SEMA6A: variants seen among roughly 807,000 people sequenced by gnomAD.
SEMA6A encodes the protein semaphorin 6A, also known as semaphorin-6A.
A neutral mutation model predicts 96.8 loss-of-function variants in SEMA6A; 25 were observed. That is an observed-to-expected ratio of 0.26 (90% CI 0.19 to 0.36). The LOEUF is 0.36. Among genes scored for constraint, SEMA6A ranks in the 10% least tolerant of loss-of-function variants. The pLI is 1.00. For missense variants in SEMA6A, 1,363 were observed against 1,323.1 expected (o/e 1.03, Z -0.47); for synonymous variants, 612 against 518.0 (o/e 1.18, Z -2.46).
chr5:116,486,919 T>A lies in SEMA6A; in HGVS notation c.792A>T (p.Gly264=). 6.2e-7 allele frequency: 1 copy of A among 1,613,730 alleles called. No individual in the cohort carries two copies. Among genetic ancestry groups the A allele is most frequent in the East Asian group, 2.2e-5 (1 of 44,866 alleles). ...VAQVCKNDMG[G]SQRVLEKQWT... is the part of the protein sequence containing the mutation. ...ACTGTTTCTCCAGGACTCTTTGAGA[T>A]CCTCCCATATCATTCTTACAAACCT... The change falls in exon 10 of 19, where the codon GGA becomes GGT. Residue 264 remains glycine, a synonymous_variant. Transcript: ENST00000343348.
intron 1 of SEMA6A, among the ~76,000 whole-genome samples, chr5:116,572,153 G>A (rs952151186): frequency 6.6e-6 from 1 of 152,160 alleles, no homozygotes. Flanking sequence ...AGACCTGCTG[G>A]CACAACACTG....
intron 1 of SEMA6A, among the ~76,000 whole-genome samples, chr5:116,520,110 G>A (rs1231018147): frequency 6.6e-6 from 1 of 152,060 alleles, no homozygotes; most frequent in Admixed American, 6.6e-5. Flanking sequence ...TCCAGCCCCT[G>A]TGCCTTGCTT....
intron 7 of SEMA6A, 105 bp from the exon 8 acceptor site, chr5:116,489,112 G>T: frequency 7.9e-7 from 1 of 1,265,020 alleles, no homozygotes; most frequent in Non-Finnish European, 1.0e-6. Context: ...AGGCAAATGA[G>T]ATAGCACAAC....
At chr5:116,507,734 A>G (rs1471585820) in intron 1 of SEMA6A, among the ~76,000 whole-genome samples, 7 of 152,258 alleles carry the variant, frequency 4.6e-5, no homozygotes, top group Non-Finnish European at 1.0e-4. Context: ...AAGACTGTCA[A>G]TATAAGGATT....
chr5:116,483,781 A>G (rs186723392), intron 10 of SEMA6A, among the ~76,000 whole-genome samples: 25 of 152,312 alleles, frequency 1.6e-4, no homozygotes, highest in African/African-American at 5.5e-4. Context: ...AGACAGTGAT[A>G]GGCCGGGCGA....
chr5:116,564,593 G>C (rs995000353), intron 1 of SEMA6A, among the ~76,000 whole-genome samples: 1 of 152,124 alleles, frequency 6.6e-6, no homozygotes, highest in Non-Finnish European at 1.5e-5. Context: ...GCCAGAATGT[G>C]TGTATGTGTA....
chr5:116,521,508 C>G (rs573009927), intron 1 of SEMA6A, among the ~76,000 whole-genome samples: 1 of 152,318 alleles, frequency 6.6e-6, no homozygotes, highest in African/African-American at 2.4e-5. Context: ...CCTCTGCAGA[C>G]AAGTCATGGG....
At chr5:116,449,184 A>G (rs1580436497) in intron 18 of SEMA6A, 2 of 590,214 alleles carry the variant, frequency 3.4e-6, no homozygotes, top group East Asian at 5.8e-5. Context: ...GTCGCTAAAA[A>G]ATAAAATCTC....
chr5:116,500,637 C>T (rs949784831), intron 3 of SEMA6A, among the ~76,000 whole-genome samples: 1 of 152,014 alleles, frequency 6.6e-6, no homozygotes, highest in African/African-American at 2.4e-5. Context: ...CTTATCACCT[C>T]AGAACATCTA....
intron 18 of SEMA6A, among the ~76,000 whole-genome samples, chr5:116,455,801 G>C (rs1754973645): frequency 6.6e-6 from 1 of 152,150 alleles, no homozygotes; most frequent in African/African-American, 2.4e-5. Flanking sequence ...TACACTTTGA[G>C]CTCATAAAGA....
At position 116,523,927 on chromosome 5, in the gene SEMA6A, T is replaced by C. The variant is rs576328614; in HGVS notation, c.-38-18945A>G. 2.0e-4 allele frequency among the ~76,000 whole-genome samples: 31 copies of C among 152,322 alleles called. No homozygotes were observed. In the South Asian group the frequency reaches 3.7e-3, roughly 18 times the overall value. On this transcript the variant is annotated intron_variant, in intron 1 of 18. Transcript: ENST00000343348. Reference sequence around the variant, plus strand: ...AGCCACAGCCAGGGATAATTAGCCATGATTCAAAAACCTTTACTTGTGCCA... The same window carrying C: ...AGCCACAGCCAGGGATAATTAGCCACGATTCAAAAACCTTTACTTGTGCCA...
At chr5:116,564,020 G>A (rs973627420) in intron 1 of SEMA6A, among the ~76,000 whole-genome samples, 35 of 152,298 alleles carry the variant, frequency 2.3e-4, no homozygotes, top group African/African-American at 7.2e-4. Context: ...AAGAAATTCC[G>A]GTGCCTAGAA....
intron 1 of SEMA6A, 49 bp from the exon 2 acceptor site, chr5:116,505,031 T>C: frequency 2.4e-6 from 2 of 831,010 alleles, no homozygotes; most frequent in Non-Finnish European, 3.9e-6. Context: ...CTTTGTTCAA[T>C]GCCATAAAAT....
At chr5:116,455,388 T>A (rs1404219862) in intron 18 of SEMA6A, among the ~76,000 whole-genome samples, 1 of 152,250 alleles carries the variant, frequency 6.6e-6, no homozygotes, top group Non-Finnish European at 1.5e-5. Flanking sequence ...TTGGCAAAGT[T>A]TTAGCAGAGT....
At chr5:116,492,191 C>T (rs2112734764) in intron 6 of SEMA6A, 1 of 245,042 alleles carries the variant, frequency 4.1e-6, no homozygotes, top group African/African-American at 2.3e-5. Flanking sequence ...ATGCTTAGCA[C>T]ACAGTGATGC....
chr5:116,475,552 G>A lies in SEMA6A; in HGVS notation c.1701C>T (p.Asp567=). The change falls in exon 16 of 19, where the codon GAC becomes GAT. Residue 567 remains aspartate, a synonymous_variant. Coordinates refer to ENST00000343348, the MANE Select transcript of SEMA6A (RefSeq NM_020796.5). ...ATAAAAGACTGTACTTACTGTGACAGTCCCCCAGACCATCTGTATTGCCAC... is the reference window on the plus strand; with the variant it reads ...ATAAAAGACTGTACTTACTGTGACAATCCCCCAGACCATCTGTATTGCCAC... ...IERGNTDGLG[D]CHNSFVALNG... is the part of the protein sequence containing the mutation. 1 of 1,600,218 alleles carries A rather than the reference G, an allele frequency of 6.2e-7. No individual in the cohort carries two copies. The highest frequency in any genetic ancestry group is 8.5e-7 in the Non-Finnish European group (1 of 1,172,948).
chr5:116,533,290 G>A (rs1021881789), intron 1 of SEMA6A, among the ~76,000 whole-genome samples: 4 of 150,606 alleles, frequency 2.7e-5, no homozygotes, highest in African/African-American at 9.8e-5. Context: ...TCGTGCATTG[G>A]AGATGGCAGG....
chr5:116,502,803 G>A (rs1757949960), intron 2 of SEMA6A: 2 of 155,984 alleles, frequency 1.3e-5, no homozygotes, highest in African/African-American at 2.4e-5. Flanking sequence ...GGAGCCAGAA[G>A]AAAAATACAG....
At chr5:116,487,953 C>T (rs569068705) in intron 9 of SEMA6A, among the ~76,000 whole-genome samples, 155 bp downstream of exon 9, 2 of 152,292 alleles carry the variant, frequency 1.3e-5, no homozygotes, top group African/African-American at 4.8e-5. Flanking sequence ...CCTGCGATTT[C>T]GTTACTGTTC....
Sources: allele counts gnomAD v4.1 joint callset (sites outside exome capture counted in the v4.1 genomes callset), GRCh38; gene constraint gnomAD v4.1.1; transcripts MANE v1.5; gene names NCBI Gene and HGNC (gene_info 2026-07-23, HGNC 2026-07-21).